The following TSC22D1 variants were observed in gnomAD, a reference collection of about 807,000 sequenced individuals.
The protein encoded by TSC22D1 is TSC22 domain family member 1, also known as TSC22 domain family protein 1.
TSC22D1 carries 9 observed loss-of-function variants against 74.2 expected under a neutral mutation model. The ratio of observed to expected loss-of-function variants is 0.12; its 90% CI spans 0.07 to 0.21. The LOEUF (loss-of-function observed/expected upper bound fraction) is 0.21. TSC22D1 is among the 10% of genes least tolerant of loss of function. The pLI is 1.00. For missense variants in TSC22D1, 1,427 were observed against 1,304.7 expected, an observed-to-expected ratio of 1.09 and a Z score of -1.44; for synonymous variants, 586 against 492.5, an observed-to-expected ratio of 1.19 and a Z score of -2.51.
chr13:44,486,466 T>C (rs1296183995), intron 1 of TSC22D1, among the ~76,000 whole-genome samples: 2 of 152,128 alleles, frequency 1.3e-5, no homozygotes, highest in Non-Finnish European at 2.9e-5. Context: ...TTACATGCAC[T>C]GAATATAGAT....
chr13:44,563,734 T>C (rs1007724462), intron 1 of TSC22D1, among the ~76,000 whole-genome samples: 1 of 152,218 alleles, frequency 6.6e-6, no homozygotes, highest in African/African-American at 2.4e-5. Context: ...TCTGTGAACT[T>C]TGCTTATGTC....
intron 1 of TSC22D1, among the ~76,000 whole-genome samples, chr13:44,503,291 G>A (rs556764274): frequency 6.6e-6 from 1 of 152,134 alleles, no homozygotes; most frequent in East Asian, 1.9e-4. Flanking sequence ...CCCTCTGATA[G>A]TTTCTTAGGT....
At chr13:44,477,523 C>A (rs958478390) in intron 1 of TSC22D1, among the ~76,000 whole-genome samples, 1 of 151,986 alleles carries the variant, frequency 6.6e-6, no homozygotes, top group South Asian at 2.1e-4. Context: ...CCATGGTACA[C>A]CTTTTCTAGT....
rs1189935598 is a variant in TSC22D1 at position 44,463,199 on chromosome 13, A to G, written c.2913-27104T>C. ...CAAAAACAGACATCACCATCTCTGT[A>G]TAAGCATAGAGAACAAAAGTAATAA... On this transcript the variant is annotated intron_variant, in intron 1 of 2. Transcript: ENST00000458659. Among the ~76,000 whole-genome samples, 4 of 152,332 alleles carry G rather than the reference A, an allele frequency of 2.6e-5. No homozygotes were observed. In the East Asian group the frequency reaches 7.7e-4, roughly 29 times the overall value.
chr13:44,483,851 C>G (rs950601403), intron 1 of TSC22D1, among the ~76,000 whole-genome samples: 26 of 152,170 alleles, frequency 1.7e-4, no homozygotes, highest in African/African-American at 6.0e-4. Flanking sequence ...CAAACGTACA[C>G]CAAGAAGTAA....
intron 1 of TSC22D1, among the ~76,000 whole-genome samples, chr13:44,489,419 T>C (rs947192121): frequency 6.6e-6 from 1 of 151,752 alleles, no homozygotes; most frequent in Admixed American, 6.6e-5. Flanking sequence ...AGAACAAAAA[T>C]TTAAGTCACA....
intron 1 of TSC22D1, among the ~76,000 whole-genome samples, chr13:44,565,702 A>G (rs907635614): frequency 2.0e-5 from 3 of 152,150 alleles, no homozygotes; most frequent in African/African-American, 7.2e-5. Flanking sequence ...TAACAGCTTC[A>G]TATTTTTAAA....
intron 1 of TSC22D1, among the ~76,000 whole-genome samples, chr13:44,565,683 G>A (rs1363515621): frequency 1.3e-5 from 2 of 152,132 alleles, no homozygotes; most frequent in Admixed American, 1.3e-4. Context: ...CATCAGAACA[G>A]GTCATGCTTA....
chr13:44,436,369 C>T (rs1874627016), intron 1 of TSC22D1: 12 of 1,254,078 alleles, frequency 9.6e-6, no homozygotes, highest in Non-Finnish European at 1.3e-5. Context: ...GGTTTTTTAA[C>T]ATTTCGAAAA....
chr13:44,567,520 A>T (rs949698123), intron 1 of TSC22D1, among the ~76,000 whole-genome samples: 30 of 152,038 alleles, frequency 2.0e-4, no homozygotes, highest in Non-Finnish European at 1.2e-4. Context: ...AAAACTTTTT[A>T]AAAAAGCTAA....
At chr13:44,452,909 G>A (rs1876263737) in intron 1 of TSC22D1, 1 of 152,352 alleles carries the variant, frequency 6.6e-6, no homozygotes. Context: ...TTTACAAGAT[G>A]AGAAGTTACA....
intron 1 of TSC22D1, among the ~76,000 whole-genome samples, chr13:44,476,249 T>C (rs1877903653): frequency 6.6e-6 from 1 of 152,196 alleles, no homozygotes; most frequent in African/African-American, 2.4e-5. Context: ...ACTTTAATAG[T>C]TATATAAGCT....
chr13:44,555,939 A>C (rs1243538183), intron 1 of TSC22D1, among the ~76,000 whole-genome samples: 1 of 152,134 alleles, frequency 6.6e-6, no homozygotes, highest in Non-Finnish European at 1.5e-5. Flanking sequence ...ATACTAAATA[A>C]GTAAAATATC....
At chr13:44,502,029 T>A (rs564306564) in intron 1 of TSC22D1, among the ~76,000 whole-genome samples, 1 of 152,336 alleles carries the variant, frequency 6.6e-6, no homozygotes, top group African/African-American at 2.4e-5. Flanking sequence ...CCATTCACCA[T>A]CTCTTTCTCA....
chr13:44,534,730 A>G (rs1881049165), intron 1 of TSC22D1, among the ~76,000 whole-genome samples: 1 of 152,306 alleles, frequency 6.6e-6, no homozygotes, highest in South Asian at 2.1e-4. Context: ...CATTTACAGA[A>G]TTCCTTAATT....
chr13:44,572,906 C>T lies in TSC22D1; in HGVS notation c.2912+257G>A, dbSNP rs569655335. On this transcript the variant is annotated intron_variant, in intron 1 of 2. Transcript: ENST00000458659. ...TTTTAGAGATAATAAAACCACTTGGCGCCCCCAAACCTGTTTTTAATGTGA... is the reference window on the plus strand; with the variant it reads ...TTTTAGAGATAATAAAACCACTTGGTGCCCCCAAACCTGTTTTTAATGTGA... Among the ~76,000 whole-genome samples the T allele has an allele frequency of 5.9e-5, 9 of 152,274 alleles. No homozygotes were observed. The South Asian group carries it at 1.5e-3, about 25-fold the overall frequency.
At chr13:44,452,081 T>A (rs1235274475) in intron 1 of TSC22D1, among the ~76,000 whole-genome samples, 1 of 152,196 alleles carries the variant, frequency 6.6e-6, no homozygotes, top group Non-Finnish European at 1.5e-5. Context: ...ACAAGCTTAG[T>A]CCGACTTGAC....
chr13:44,504,232 C>T (rs1223808774), intron 1 of TSC22D1, among the ~76,000 whole-genome samples: 1 of 149,750 alleles, frequency 6.7e-6, no homozygotes, highest in Non-Finnish European at 1.5e-5. Context: ...CGCCCCTCCC[C>T]GGAAACCAAA....
intron 1 of TSC22D1, among the ~76,000 whole-genome samples, chr13:44,507,110 G>C (rs1464270737): frequency 6.6e-6 from 1 of 152,178 alleles, no homozygotes; most frequent in Non-Finnish European, 1.5e-5. Flanking sequence ...AGAGGCCCAG[G>C]TTGAAGATAA....
Sources: allele counts gnomAD v4.1 joint callset (sites outside exome capture counted in the v4.1 genomes callset), GRCh38; gene constraint gnomAD v4.1.1; transcripts MANE v1.5; gene names NCBI Gene and HGNC (gene_info 2026-07-23, HGNC 2026-07-21).